USP6NL: variants seen among roughly 807,000 people sequenced by gnomAD.
USP6NL encodes USP6 N-terminal like, also known as USP6 N-terminal-like protein.
USP6NL carries 26 observed loss-of-function variants against 61.9 expected under a neutral mutation model. That is an observed-to-expected ratio of 0.42 (90% CI 0.31 to 0.58). USP6NL has a LOEUF of 0.58. Ranked by LOEUF, USP6NL falls within the 20% of genes least tolerant of loss-of-function variation. The pLI is 0.16. For synonymous variants in USP6NL, 432 were observed against 390.1 expected (o/e 1.11, Z -1.27); for missense variants, 1,114 against 1,034.3 (o/e 1.08, Z -1.06).
At position 11,462,989 on chromosome 10, in the gene USP6NL, G is replaced by T; in HGVS notation, c.1939C>A (p.Pro647Thr). ...GAAGCAAAGCTGCTGTTGGCAGTAGGGAAGTGTTTGGGAGAGTTTCCGTGG... is the reference window on the plus strand; with the variant it reads ...GAAGCAAAGCTGCTGTTGGCAGTAGTGAAGTGTTTGGGAGAGTTTCCGTGG... Reference protein sequence around the residue: ...VYHGNSPKHFPTANSSFASPQ... With the variant: ...VYHGNSPKHFTTANSSFASPQ... Residue 647 changes from proline to threonine, a missense_variant, in exon 15 of 15, where the codon CCT becomes ACT. Transcript: ENST00000609104. 1 of 1,613,984 alleles carries T rather than the reference G, an allele frequency of 6.2e-7. No individual in the cohort carries two copies. Among genetic ancestry groups the T allele is most frequent in the Admixed American group, 1.7e-5 (1 of 60,028 alleles).
In USP6NL at chr10:11,525,649, G is replaced by A. The variant is rs1033294085; in HGVS notation, c.73-181C>T. Among the ~76,000 whole-genome samples, 28 of 152,122 alleles carry A rather than the reference G, an allele frequency of 1.8e-4. No homozygotes were observed. On this transcript the variant is annotated intron_variant, in intron 3 of 14. Transcript: ENST00000609104. The surrounding 1 kb of genome is among the most constrained non-coding windows in gnomAD (Gnocchi z 5.0). The stretch of plus-strand genomic sequence containing the variant: ...CTTTAAACCCAACTATTTTTGGCAA[G>A]ATAAACACTATTTCCTAGTTATGAC...
intron 1 of USP6NL, among the ~76,000 whole-genome samples, chr10:11,608,655 G>A (rs569462771): frequency 6.6e-6 from 1 of 152,230 alleles, no homozygotes; most frequent in African/African-American, 2.4e-5. Flanking sequence ...ATAGCTCCCT[G>A]TACTTCACAT....
At chr10:11,506,654 A>C (rs75841557) in intron 6 of USP6NL, among the ~76,000 whole-genome samples, 7,953 of 152,150 alleles carry the variant, frequency 0.052, 299 homozygotes, top group Middle Eastern at 0.095. Flanking sequence ...CTCAAAAAAA[A>C]ACAAAAAAAT....
In USP6NL at chr10:11,513,415, A is replaced by G. The variant is rs1834811235; in HGVS notation, c.196-3740T>C. On this transcript the variant is annotated intron_variant, in intron 5 of 14. Transcript: ENST00000609104. The surrounding 1 kb of genome is among the most constrained non-coding windows in gnomAD (Gnocchi z 4.7). ...AGAGCTGCTGATGTTAACAGCCTAT[A>G]TGAAACTGATATTAAATAATTCTGT... Among the ~76,000 whole-genome samples the G allele has an allele frequency of 6.6e-6, 1 of 152,244 alleles. No individual in the cohort carries two copies.
chr10:11,530,320 G>T (rs11257157), intron 2 of USP6NL, among the ~76,000 whole-genome samples: 18 of 151,916 alleles, frequency 1.2e-4, no homozygotes, highest in Non-Finnish European at 2.2e-4. Flanking sequence ...CATAACAATG[G>T]AAAGTTTAAA....
intron 2 of USP6NL, among the ~76,000 whole-genome samples, chr10:11,538,951 G>C (rs183149934): frequency 6.6e-6 from 1 of 152,172 alleles, no homozygotes; most frequent in Non-Finnish European, 1.5e-5. Context: ...GCTCCCTTTC[G>C]TTGTGGAAAG....
At chr10:11,523,625 C>G (rs779050427) in intron 4 of USP6NL, among the ~76,000 whole-genome samples, 11 of 151,900 alleles carry the variant, frequency 7.2e-5, no homozygotes. Flanking sequence ...ACAGCATTTG[C>G]CAGTTTAAAA....
chr10:11,512,209 G>A (rs1834750803), intron 5 of USP6NL, among the ~76,000 whole-genome samples: 1 of 152,150 alleles, frequency 6.6e-6, no homozygotes, highest in Non-Finnish European at 1.5e-5. Flanking sequence ...AAGTTCAACA[G>A]AGACTTTAAA....
chr10:11,521,943 C>T (rs182978863), intron 4 of USP6NL, among the ~76,000 whole-genome samples: 7 of 152,336 alleles, frequency 4.6e-5, no homozygotes, highest in South Asian at 4.1e-4. Flanking sequence ...CTAGCAGTGA[C>T]TATTTTTGAT....
intron 2 of USP6NL, among the ~76,000 whole-genome samples, chr10:11,541,246 T>C: frequency 8.4e-6 from 1 of 119,428 alleles, no homozygotes. Flanking sequence ...TATATATATA[T>C]ATATATATAT....
rs1245554613 is a variant in USP6NL, at chr10:11,478,826, A to G, written c.1078+2944T>C. Among the ~76,000 whole-genome samples, 1 of 152,094 alleles carries G rather than the reference A, an allele frequency of 6.6e-6. No individual in the cohort carries two copies. The highest frequency in any genetic ancestry group is 1.5e-5 in the Non-Finnish European group (1 of 68,006). ...GAGACTGAGGTGGGAGGATCACTTG[A>G]GCCGGGGAGGTCAAGGCTGCACTGA... is the stretch of plus-strand genomic sequence containing the variant. On this transcript the variant is annotated intron_variant, in intron 14 of 14. Coordinates refer to ENST00000609104, the MANE Select transcript of USP6NL (RefSeq NM_014688.5). This position sits in a 1 kb window ranked among gnomAD's most constrained non-coding sequence, Gnocchi z 6.8.
At chr10:11,544,493 C>CT (rs1184430647) in intron 2 of USP6NL, among the ~76,000 whole-genome samples, 30 of 147,182 alleles carry the variant, frequency 2.0e-4, no homozygotes, top group South Asian at 6.5e-4. Flanking sequence ...TCTCTCTTTT[C>CT]TTTTTTTTTT....
chr10:11,554,446 A>G (rs994872420), intron 2 of USP6NL, among the ~76,000 whole-genome samples: 13 of 152,266 alleles, frequency 8.5e-5, no homozygotes, highest in African/African-American at 2.9e-4. Flanking sequence ...AACTTGTGGC[A>G]GTCCTGAGAA....
At position 11,481,934 on chromosome 10, in the gene USP6NL, T is replaced by C. The variant is rs1833216355; in HGVS notation, c.926-12A>G. The C allele has an allele frequency of 6.3e-7, 1 of 1,594,112 alleles. No individual in the cohort carries two copies. Among genetic ancestry groups the C allele is most frequent in the African/African-American group, 1.4e-5 (1 of 73,922 alleles). On this transcript the variant is annotated splice_polypyrimidine_tract_variant and intron_variant, in intron 13 of 14. Transcript: ENST00000609104. The surrounding 1 kb of genome is among the most constrained non-coding windows in gnomAD (Gnocchi z 4.4). ...TTTCATTAGATGTTCTAAGAAAGGATAAGAGAAATGAAAATGCCAAGTCAA... is the reference window on the plus strand; with the variant it reads ...TTTCATTAGATGTTCTAAGAAAGGACAAGAGAAATGAAAATGCCAAGTCAA...
At chr10:11,545,788 T>G (rs1158981044) in intron 2 of USP6NL, among the ~76,000 whole-genome samples, 1 of 152,256 alleles carries the variant, frequency 6.6e-6, no homozygotes, top group African/African-American at 2.4e-5. Context: ...TCATGTATTT[T>G]GTTTTTAAAA....
At chr10:11,559,080 A>AGC (rs1389185284) in intron 2 of USP6NL, among the ~76,000 whole-genome samples, 6 of 152,198 alleles carry the variant, frequency 3.9e-5, no homozygotes, top group Non-Finnish European at 8.8e-5. Context: ...AAAATTCTCT[A>AGC]AGCTGCAGGT....
At chr10:11,464,250 G>C (rs1175299725) in intron 14 of USP6NL, among the ~76,000 whole-genome samples, 1 of 152,168 alleles carries the variant, frequency 6.6e-6, no homozygotes, top group Non-Finnish European at 1.5e-5. Flanking sequence ...AGGCTTTTCA[G>C]CAGAAGAATT....
chr10:11,558,973 A>AG (rs1401638495), intron 2 of USP6NL, among the ~76,000 whole-genome samples: 1 of 152,218 alleles, frequency 6.6e-6, no homozygotes, highest in Non-Finnish European at 1.5e-5. Flanking sequence ...GAAAAACAAA[A>AG]CATTGAAAAG....
At chr10:11,604,804 A>T (rs1243406363) in intron 1 of USP6NL, among the ~76,000 whole-genome samples, 2 of 152,332 alleles carry the variant, frequency 1.3e-5, no homozygotes, top group East Asian at 1.9e-4. Flanking sequence ...ACTGCTTCAC[A>T]ATCAGACCCT....
Sources: allele counts gnomAD v4.1 joint callset (sites outside exome capture counted in the v4.1 genomes callset), GRCh38; gene constraint gnomAD v4.1.1; non-coding constraint Gnocchi (gnomAD v3.1); transcripts MANE v1.5; gene names NCBI Gene and HGNC (gene_info 2026-07-23, HGNC 2026-07-21).